The following PDAP1 variants were observed in gnomAD, a reference collection of about 807,000 sequenced individuals.
PDAP1 encodes PDGFA associated protein 1.
Under a neutral mutation model 28.0 loss-of-function variants are expected in PDAP1, and 13 were observed. That is an observed-to-expected ratio of 0.46 (90% CI 0.30 to 0.74). The LOEUF (loss-of-function observed/expected upper bound fraction) is 0.74, where lower values mean the gene tolerates loss of function less well. PDAP1 is among the 30% of genes least tolerant of loss of function. PDAP1 has a pLI of 0.07. For synonymous variants in PDAP1, 77 were observed against 85.1 expected (o/e 0.91, Z 0.52); for missense variants, 150 against 230.0 (o/e 0.65, Z 2.25).
chr7:99,402,892 A>AAAAAG (rs1200200445), intron 3 of PDAP1, among the ~76,000 whole-genome samples: 22 of 128,944 alleles, frequency 1.7e-4, no homozygotes, highest in Non-Finnish European at 2.8e-4. Flanking sequence ...AAAAAAAAAA[A>AAAAAG]AAAAGAAAAG....
At chr7:99,408,472 G>C in intron 1 of PDAP1, 64 bp downstream of exon 1, 2 of 1,325,966 alleles carry the variant, frequency 1.5e-6, no homozygotes, top group South Asian at 1.8e-5. Flanking sequence ...GGGCTGAGGG[G>C]ACAGCGGAAG....
intron 5 of PDAP1, among the ~76,000 whole-genome samples, chr7:99,397,434 C>T (rs1398661443): frequency 6.6e-6 from 1 of 152,192 alleles, no homozygotes; most frequent in Non-Finnish European, 1.5e-5. Context: ...AGCCAGTCTG[C>T]ACTGCTGTGT....
intron 4 of PDAP1, among the ~76,000 whole-genome samples, 184 bp downstream of exon 4, chr7:99,400,118 CT>C (rs1794837426): frequency 6.6e-6 from 1 of 152,214 alleles, no homozygotes; most frequent in South Asian, 2.1e-4. Context: ...CCTATTTCCC[CT>C]GATATCATGT....
At chr7:99,399,955 A>G (rs2150904578) in intron 4 of PDAP1, among the ~76,000 whole-genome samples, 1 of 152,292 alleles carries the variant, frequency 6.6e-6, no homozygotes, top group Non-Finnish European at 1.5e-5. Flanking sequence ...CATGGCCACG[A>G]CATTACAGAT....
At chr7:99,400,794 A>C (rs1379696450) in intron 3 of PDAP1, among the ~76,000 whole-genome samples, 1 of 152,080 alleles carries the variant, frequency 6.6e-6, no homozygotes, top group African/African-American at 2.4e-5. Context: ...TCTTGCAAAA[A>C]GCGCTGGGCT....
intron 5 of PDAP1, among the ~76,000 whole-genome samples, chr7:99,397,001 G>A (rs998720588): frequency 2.0e-5 from 3 of 152,184 alleles, no homozygotes; most frequent in African/African-American, 7.2e-5. Context: ...CACTCTTGTG[G>A]GCAAACGGAA....
At chr7:99,406,326 C>CT (rs1422364176) in intron 1 of PDAP1, among the ~76,000 whole-genome samples, 1 of 152,080 alleles carries the variant, frequency 6.6e-6, no homozygotes, top group South Asian at 2.1e-4. Context: ...AAAAGCACCA[C>CT]TGAGCACATA....
chr7:99,396,825 G>T, intron 5 of PDAP1, 85 bp from the exon 6 acceptor site: 1 of 1,036,000 alleles, frequency 9.7e-7, no homozygotes, highest in Non-Finnish European at 1.5e-6. Flanking sequence ...TAGAACTTTA[G>T]GTCTGAAAGG....
Position 99,403,407 on chromosome 7 carries a change from A to G in PDAP1, c.204T>C (p.Asp68=). ...CAAAAGAACTCAGTACCTGGTAGTC[A>G]TCTTCTTCATCCTCACTCTCATCTG... is the stretch of plus-strand genomic sequence containing the variant. The part of the protein sequence containing the change: ...LDSDESEDEE[D]DYQQKRKGVE... Residue 68 remains aspartate, a synonymous_variant, in exon 3 of 6, where the codon GAT becomes GAC. Transcript: ENST00000350498. 6.3e-7 allele frequency: 1 copy of G among 1,591,352 alleles called. No individual in the cohort carries two copies. The highest frequency in any genetic ancestry group is 8.6e-7 in the Non-Finnish European group (1 of 1,159,232).
intron 3 of PDAP1, among the ~76,000 whole-genome samples, chr7:99,402,897 G>GAA (rs1236336348): frequency 3.3e-4 from 41 of 125,346 alleles, no homozygotes; most frequent in East Asian, 1.5e-3. Flanking sequence ...AAAAAAAAAA[G>GAA]AAAAGAAAAG....
In PDAP1 at chr7:99,396,521, A is replaced by G. The variant is rs1185523656; in HGVS notation, c.*161T>C. ...CCCCCAGTCCCCCCCCCCATCCCCC[A>G]AACAATTTCTGTGCCAAGATGAAGA... On this transcript the variant is annotated 3_prime_UTR_variant, in exon 6 of 6. Transcript: ENST00000350498. 1 of 287,552 alleles carries G rather than the reference A, an allele frequency of 3.5e-6. No individual in the cohort carries two copies. The highest frequency in any genetic ancestry group is 7.6e-6 in the Non-Finnish European group (1 of 131,628). 17.8% of individuals were successfully genotyped at this position (287,552 alleles called of 1,614,324 possible). A position where few individuals can be genotyped will look rare whatever the true frequency, so the allele number is the denominator to read the frequency against.
At chr7:99,404,817 C>T (rs371557650) in intron 2 of PDAP1, 45 bp downstream of exon 2, 43 of 1,512,674 alleles carry the variant, frequency 2.8e-5, no homozygotes, top group Non-Finnish European at 3.5e-5. Context: ...ATTGGCAAAG[C>T]GCCACCCTGG....
rs557344725 is a variant in PDAP1, at chr7:99,403,525, C to G, written c.106-20G>C. On this transcript the variant is annotated intron_variant, in intron 2 of 5. Transcript: ENST00000350498. ...TTCTTCCTGTTTCAGAAATGGACAA[C>G]CTGCAGAATCAAAAATGCAAAACAA... 5 of 1,475,420 alleles carry G rather than the reference C, an allele frequency of 3.4e-6. No individual in the cohort carries two copies. The East Asian group carries it at 6.8e-5, about 20-fold the overall frequency. The allele number at this position is 1,475,420 out of a possible 1,614,324, so 91.4% of individuals were successfully genotyped here. A position where few individuals can be genotyped will look rare whatever the true frequency, so the allele number is the denominator to read the frequency against.
chr7:99,398,372 A>G (rs1055976402), intron 4 of PDAP1, among the ~76,000 whole-genome samples: 17 of 152,186 alleles, frequency 1.1e-4, no homozygotes, highest in African/African-American at 4.1e-4. Context: ...GACCAGGAGG[A>G]TGAAAGCAGT....
rs1794944458 is a variant in PDAP1, at chr7:99,404,970, T to C, written c.14-17A>G. 2 of 1,600,366 alleles carry C rather than the reference T, an allele frequency of 1.2e-6. No homozygotes were observed. Among genetic ancestry groups the C allele is most frequent in the Admixed American group, 1.7e-5 (1 of 59,936 alleles). ...CCTTTCTTCCTGCAGAGACCCGCAG[T>C]TTAGGTGAGCGGAAGCAGCTGCCTT... On this transcript the variant is annotated splice_polypyrimidine_tract_variant and intron_variant, in intron 1 of 5. Transcript: ENST00000350498.
In PDAP1 at chr7:99,397,866, C is replaced by A. The variant is rs772575705; in HGVS notation, c.483G>T (p.Arg161Ser). The A allele has an allele frequency of 6.2e-7, 1 of 1,612,588 alleles. No homozygotes were observed. Among genetic ancestry groups the A allele is most frequent in the South Asian group, 1.1e-5 (1 of 91,016 alleles). Residue 161 changes from arginine (R) to serine (S), a missense_variant, in exon 5 of 6, where the codon AGG becomes AGT. Coordinates refer to ENST00000350498, the MANE Select transcript of PDAP1 (RefSeq NM_014891.7). ...CGTGCGCAGCCCAGCCCTTACCTTTCCTTTCCTCTTCCTTCTTCCGGGCAG... is the reference window on the plus strand; with the variant it reads ...CGTGCGCAGCCCAGCCCTTACCTTTACTTTCCTCTTCCTTCTTCCGGGCAG... ...EEAARKKEEERKAKDDATLSG... is the reference protein window; with the variant it reads ...EEAARKKEEESKAKDDATLSG...
intron 1 of PDAP1, among the ~76,000 whole-genome samples, chr7:99,407,841 C>A (rs979899638): frequency 6.6e-6 from 1 of 152,182 alleles, no homozygotes; most frequent in African/African-American, 2.4e-5. Context: ...AACCTACTTA[C>A]AAGATCAAGA....
rs1179631344 is a variant in PDAP1, at chr7:99,395,195, G to C, written c.*1487C>G. On this transcript the variant is annotated 3_prime_UTR_variant, in exon 6 of 6. Transcript: ENST00000350498. ...AGATGGAGTTTTGCTCGTCACCCAG[G>C]CTGGAGTGCAGTTGTGCGTTCTCAG... 6.6e-6 allele frequency: 1 copy of C among 152,070 alleles called. No homozygotes were observed. 9.4% of individuals were successfully genotyped at this position (152,070 alleles called of 1,614,324 possible). A position where few individuals can be genotyped will look rare whatever the true frequency, so the allele number is the denominator to read the frequency against.
In PDAP1 at chr7:99,398,594, C is replaced by T. The variant is rs572321371; in HGVS notation, c.336-581G>A. On this transcript the variant is annotated intron_variant, in intron 4 of 5. Transcript: ENST00000350498. Reference sequence around the variant, plus strand: ...GCTAAGGCAGCATGGCTCCCAGCTACATGGGAGGCTGAGGCAGGCGGATTG... The same window carrying T: ...GCTAAGGCAGCATGGCTCCCAGCTATATGGGAGGCTGAGGCAGGCGGATTG... 1.2e-3 allele frequency among the ~76,000 whole-genome samples: 189 copies of T among 152,318 alleles called. 2 individuals are homozygous for T. The highest frequency in any genetic ancestry group is 2.2e-3 in the Admixed American group (34 of 15,298).
Sources: allele counts gnomAD v4.1 joint callset (sites outside exome capture counted in the v4.1 genomes callset), GRCh38; gene constraint gnomAD v4.1.1; transcripts MANE v1.5; gene names NCBI Gene and HGNC (gene_info 2026-07-23, HGNC 2026-07-21).